RAP1A: variants seen among roughly 807,000 people sequenced by gnomAD.
RAP1A encodes RAP1A, member of RAS oncogene family.
Under a neutral mutation model 26.4 loss-of-function variants are expected in RAP1A, and 6 were observed. The ratio of observed to expected loss-of-function variants is 0.23; its 90% CI spans 0.12 to 0.45. The LOEUF (loss-of-function observed/expected upper bound fraction) is 0.45, where lower values mean the gene tolerates loss of function less well. Among genes scored for constraint, RAP1A ranks in the 20% least tolerant of loss-of-function variants. RAP1A has a pLI of 0.99. For missense variants in RAP1A, 121 were observed against 217.2 expected, an observed-to-expected ratio of 0.56 and a Z score of 2.78; for synonymous variants, 73 against 79.4, an observed-to-expected ratio of 0.92 and a Z score of 0.43.
chr1:111,584,281 A>G (rs984992174), intron 1 of RAP1A, among the ~76,000 whole-genome samples: 1 of 152,118 alleles, frequency 6.6e-6, no homozygotes, highest in African/African-American at 2.4e-5. Context: ...AAAAGGCCAA[A>G]TCTCCCTGTC....
chr1:111,680,146 T>C (rs541971787), intron 1 of RAP1A, among the ~76,000 whole-genome samples: 45 of 152,302 alleles, frequency 3.0e-4, no homozygotes, highest in Admixed American at 9.8e-4. Context: ...GGGTTCTTGG[T>C]CTCGCTGACT....
chr1:111,562,355 C>T (rs900253371), intron 1 of RAP1A, among the ~76,000 whole-genome samples: 1 of 152,114 alleles, frequency 6.6e-6, no homozygotes, highest in Admixed American at 6.5e-5. Context: ...TCTTTGACCC[C>T]TAGAACCTGT....
intron 1 of RAP1A, among the ~76,000 whole-genome samples, chr1:111,598,836 C>T (rs1182237180): frequency 1.3e-5 from 2 of 152,194 alleles, no homozygotes; most frequent in Non-Finnish European, 2.9e-5. Context: ...GGCTCAGTCT[C>T]ACAAAGCTGC....
intron 1 of RAP1A, among the ~76,000 whole-genome samples, chr1:111,656,998 C>G (rs982948234): frequency 4.6e-5 from 7 of 152,028 alleles, no homozygotes; most frequent in Middle Eastern, 3.4e-3. Flanking sequence ...ACAGTAATTC[C>G]CCATCCCCCT....
chr1:111,625,063 T>C (rs1659350469), intron 1 of RAP1A, among the ~76,000 whole-genome samples: 1 of 152,248 alleles, frequency 6.6e-6, no homozygotes, highest in South Asian at 2.1e-4. Context: ...TCATATGTTT[T>C]AGTGTCCGAA....
chr1:111,587,117 A>G (rs1455258972), intron 1 of RAP1A, among the ~76,000 whole-genome samples: 1 of 151,946 alleles, frequency 6.6e-6, no homozygotes, highest in Non-Finnish European at 1.5e-5. Context: ...CCACCATTCT[A>G]TGACATCCCA....
chr1:111,583,469 C>CA (rs71099919), intron 1 of RAP1A, among the ~76,000 whole-genome samples: 65,188 of 143,820 alleles, frequency 0.45, 14,917 homozygotes, highest in Non-Finnish European at 0.53. Context: ...AGACCCCATT[C>CA]AAAAAAAAAA....
At chr1:111,607,313 T>G (rs1392674517) in intron 1 of RAP1A, among the ~76,000 whole-genome samples, 1 of 152,116 alleles carries the variant, frequency 6.6e-6, no homozygotes, top group Non-Finnish European at 1.5e-5. Context: ...ACACAGCACA[T>G]GATTCAGAGA....
intron 1 of RAP1A, among the ~76,000 whole-genome samples, chr1:111,596,087 C>T (rs1055002718): frequency 1.3e-5 from 2 of 152,310 alleles, no homozygotes; most frequent in African/African-American, 2.4e-5. Context: ...TGCTGCCTCC[C>T]TTGTTAAACC....
intron 1 of RAP1A, among the ~76,000 whole-genome samples, chr1:111,609,285 G>T (rs1350201457): frequency 1.3e-5 from 2 of 152,110 alleles, no homozygotes; most frequent in African/African-American, 4.8e-5. Flanking sequence ...CCTTTGCCAG[G>T]TTCAAAGCCC....
intron 1 of RAP1A, among the ~76,000 whole-genome samples, chr1:111,629,656 C>A (rs1182738786): frequency 2.0e-5 from 3 of 152,136 alleles, no homozygotes; most frequent in Admixed American, 1.3e-4. Flanking sequence ...TTAAAACTAT[C>A]CTTGAAAATA....
intron 1 of RAP1A, among the ~76,000 whole-genome samples, chr1:111,645,820 C>T (rs1660046919): frequency 6.6e-6 from 1 of 152,148 alleles, no homozygotes; most frequent in African/African-American, 2.4e-5. Context: ...ATTCCAAAGT[C>T]TTGTGTTCTT....
At chr1:111,560,996 C>A (rs185889086) in intron 1 of RAP1A, among the ~76,000 whole-genome samples, 1 of 152,214 alleles carries the variant, frequency 6.6e-6, no homozygotes, top group African/African-American at 2.4e-5. Context: ...AAAGCCCATC[C>A]TTTACTAGGC....
intron 1 of RAP1A, among the ~76,000 whole-genome samples, chr1:111,673,780 C>G (rs1455178010): frequency 1.3e-5 from 2 of 152,148 alleles, no homozygotes; most frequent in Non-Finnish European, 2.9e-5. Flanking sequence ...ACTAATTCCC[C>G]TTAGAAAGAA....
intron 1 of RAP1A, among the ~76,000 whole-genome samples, chr1:111,663,160 C>T (rs1660692332): frequency 1.3e-5 from 2 of 152,210 alleles, no homozygotes; most frequent in Non-Finnish European, 2.9e-5. Flanking sequence ...GATCCACCCG[C>T]CTTGGCCTCC....
At chr1:111,603,569 A>C (rs1658710989) in intron 1 of RAP1A, among the ~76,000 whole-genome samples, 1 of 152,200 alleles carries the variant, frequency 6.6e-6, no homozygotes, top group South Asian at 2.1e-4. Flanking sequence ...CATTTTTGTC[A>C]AAGTAGAAAA....
chr1:111,551,975 A>G lies in RAP1A; in HGVS notation c.-28+9466A>G, dbSNP rs1424162987. Among the ~76,000 whole-genome samples the G allele has an allele frequency of 2.6e-5, 4 of 152,222 alleles. No homozygotes were observed. In the South Asian group the frequency reaches 8.3e-4, roughly 31 times the overall value. On this transcript the variant is annotated intron_variant, in intron 1 of 7. Coordinates refer to the RAP1A transcript ENST00000356415. ...CACCTGGCCTTCTAAATTCCCAGAA[A>G]TGTAAGAGCTTTTCAAAGTCCTTAT...
chr1:111,688,808 GTTTT>G (rs753016302), intron 1 of RAP1A, among the ~76,000 whole-genome samples: 10,841 of 124,202 alleles, frequency 0.087, 497 homozygotes, highest in African/African-American at 0.15. Flanking sequence ...TTTTGTTTTT[GTTTT>G]TTTTTTTTTG....
chr1:111,638,442 T>TG (rs1659788723), intron 1 of RAP1A, among the ~76,000 whole-genome samples: 1 of 149,282 alleles, frequency 6.7e-6, no homozygotes, highest in South Asian at 2.1e-4. Context: ...TCTTTCTTTC[T>TG]TTTCTGTTTT....
Sources: gnomAD v4.1 joint callset for allele counts (sites outside exome capture counted in the v4.1 genomes callset) on GRCh38, gnomAD v4.1.1 for gene constraint, MANE v1.5 for transcripts, NCBI Gene and HGNC (gene_info 2026-07-23, HGNC 2026-07-21) for gene names.